Variants in DYSF observed in about 807,000 individuals in gnomAD.
DYSF encodes dysferlin.
In DYSF, 212 loss-of-function variants were observed where a neutral mutation model predicts 274.9. The observed-to-expected ratio is 0.77, with a 90% CI of 0.69 to 0.86. The LOEUF (loss-of-function observed/expected upper bound fraction) is 0.86. DYSF is among the 40% of genes least tolerant of loss of function. The pLI is 0.00. For synonymous variants in DYSF, 1,091 were observed against 1,078.7 expected, an observed-to-expected ratio of 1.01 and a Z score of -0.22; for missense variants, 2,666 against 2,783.2, an observed-to-expected ratio of 0.96 and a Z score of 0.95.
intron 47 of DYSF, among the ~76,000 whole-genome samples, chr2:71,667,115 A>G (rs2095027874): frequency 6.6e-6 from 1 of 152,186 alleles, no homozygotes; most frequent in South Asian, 2.1e-4. Flanking sequence ...AAATAGGAAT[A>G]AAAACTATAG....
At chr2:71,520,690 C>T in intron 11 of DYSF, 99 bp from the exon 12 acceptor site, 1 of 1,005,234 alleles carries the variant, frequency 9.9e-7, no homozygotes, top group Non-Finnish European at 1.6e-6. Context: ...GCGGATGAGT[C>T]CTTTACCTCC....
At position 71,582,106 on chromosome 2, in the gene DYSF, C is replaced by CAAAAAAAA. The variant is rs1159294834; in HGVS notation, c.3403-7467_3403-7460dup. Among the ~76,000 whole-genome samples the CAAAAAAAA allele has an allele frequency of 2.3e-3, 79 of 35,108 alleles. 7 individuals carry two copies. The highest frequency in any genetic ancestry group is 4.0e-3 in the African/African-American group (42 of 10,524). 23.0% of individuals were successfully genotyped at this position (35,108 alleles called of 152,430 possible). ...TGGGAGACAGAAGGAGACTCCGTCT[C>CAAAAAAAA]AAAAAAAAAAAAAAAAAAAAAAAAA... On this transcript the variant is annotated intron_variant, in intron 30 of 55. Coordinates refer to ENST00000410020, the MANE Select transcript of DYSF (RefSeq NM_001130987.2).
chr2:71,509,321 C>A lies in DYSF; in HGVS notation c.346-2486C>A, dbSNP rs2085836595. 2.0e-5 allele frequency among the ~76,000 whole-genome samples: 3 copies of A among 152,144 alleles called. No homozygotes were observed. In the South Asian group the frequency reaches 6.2e-4, roughly 32 times the overall value. On this transcript the variant is annotated intron_variant, in intron 4 of 55. Coordinates refer to ENST00000410020, the MANE Select transcript of DYSF (RefSeq NM_001130987.2). Reference sequence around the variant, plus strand: ...GGAACTATAAGCGTGGGCCACCATGCCTGGCTAATTTTTTGTTTTTTGTAA... The same window carrying A: ...GGAACTATAAGCGTGGGCCACCATGACTGGCTAATTTTTTGTTTTTTGTAA...
intron 31 of DYSF, 123 bp downstream of exon 31, chr2:71,589,809 T>C: frequency 3.0e-6 from 3 of 988,900 alleles, no homozygotes; most frequent in Admixed American, 3.5e-5. Context: ...TCTGTGCTTT[T>C]TGGTGGGTCA....
intron 42 of DYSF, among the ~76,000 whole-genome samples, chr2:71,653,360 C>G (rs1310092690): frequency 6.6e-6 from 1 of 152,012 alleles, no homozygotes; most frequent in Non-Finnish European, 1.5e-5. Context: ...CACATGCACA[C>G]GTATGTTTAT....
intron 41 of DYSF, among the ~76,000 whole-genome samples, chr2:71,633,123 A>G (rs2094342556): frequency 6.6e-6 from 1 of 152,166 alleles, no homozygotes; most frequent in Non-Finnish European, 1.5e-5. Context: ...TTGTAGAAAT[A>G]ATTAAGTGAC....
chr2:71,516,183 C>G lies in DYSF; in HGVS notation c.892C>G (p.Leu298Val), dbSNP rs988491095. ...TCTCTTTGCTCTGAACCAACAGACT[C>G]TTTTCTTCAACTTGTTTGACTCTCC... ...KGNSPLFNETLFFNLFDSPGE... is the reference protein window; with the variant it reads ...KGNSPLFNETVFFNLFDSPGE... Residue 298 changes from leucine (L) to valine (V), a missense_variant, in exon 9 of 56, where the codon CTT (leucine) becomes GTT (valine). Leu to Val is a conservative substitution (Grantham distance 32, BLOSUM62 1). Transcript: ENST00000410020. 6.2e-7 allele frequency: 1 copy of G among 1,614,218 alleles called. No homozygotes were observed. Among genetic ancestry groups the G allele is most frequent in the Non-Finnish European group, 8.5e-7 (1 of 1,180,042 alleles).
intron 14 of DYSF, 152 bp from the exon 15 acceptor site, chr2:71,534,869 C>A (rs1211821260): frequency 4.1e-6 from 3 of 738,676 alleles, no homozygotes; most frequent in East Asian, 5.3e-5. Flanking sequence ...TGTGTATGAA[C>A]CCCCTGCACT....
chr2:71,587,534 C>T (rs1474440222), intron 30 of DYSF, among the ~76,000 whole-genome samples: 4 of 152,190 alleles, frequency 2.6e-5, no homozygotes, highest in Admixed American at 2.6e-4. Context: ...CTCGTAAGGT[C>T]ATTGATAGCT....
chr2:71,538,460 C>T (rs1559107751), intron 16 of DYSF, among the ~76,000 whole-genome samples: 1 of 152,180 alleles, frequency 6.6e-6, no homozygotes, highest in African/African-American at 2.4e-5. Flanking sequence ...TTCCAGGAGT[C>T]AGGACGCCAG....
intron 40 of DYSF, among the ~76,000 whole-genome samples, chr2:71,618,266 GGT>G (rs567562489): frequency 0.031 from 1,436 of 45,920 alleles, 43 homozygotes; most frequent in African/African-American, 0.047. Flanking sequence ...GTGTGGTAGA[GGT>G]GTGTGTGTGT....
At chr2:71,659,452 A>G (rs2094836665) in intron 44 of DYSF, among the ~76,000 whole-genome samples, 2 of 152,168 alleles carry the variant, frequency 1.3e-5, no homozygotes, top group Non-Finnish European at 2.9e-5. Context: ...TCAATGGTTA[A>G]TGGGGAGGAG....
At chr2:71,602,092 C>T (rs984901795) in intron 35 of DYSF, among the ~76,000 whole-genome samples, 1 of 152,214 alleles carries the variant, frequency 6.6e-6, no homozygotes, top group Non-Finnish European at 1.5e-5. Flanking sequence ...ACGGGGGCTT[C>T]ATTCCCTTAC....
In DYSF at chr2:71,596,623, A is replaced by G. The variant is rs540852136; in HGVS notation, c.3575-1941A>G. ...GGGCCGGCCCTGCCAGGTCCAGTGC[A>G]TGGAAAGGAGAGCCCCATGCCAGAG... is the stretch of plus-strand genomic sequence containing the variant. On this transcript the variant is annotated intron_variant, in intron 32 of 55. Coordinates refer to ENST00000410020, the MANE Select transcript of DYSF (RefSeq NM_001130987.2). Among the ~76,000 whole-genome samples, 18 of 152,264 alleles carry G rather than the reference A, an allele frequency of 1.2e-4. No homozygotes were observed. The South Asian group carries it at 3.3e-3, about 28-fold the overall frequency.
At position 71,551,628 on chromosome 2, in the gene DYSF, G is replaced by A; in HGVS notation, c.1714G>A (p.Gly572Ser). The A allele has an allele frequency of 6.2e-7, 1 of 1,608,058 alleles. No individual in the cohort carries two copies. The highest frequency in any genetic ancestry group is 8.5e-7 in the Non-Finnish European group (1 of 1,178,470). ...GCAGGGGGAAGGTGTGGCTTATCGT[G>A]GCCGGCTTCTGCTCTCCCTGGAGAC... ...TGKGEGVAYR[G>S]RLLLSLETKL... is the part of the protein sequence containing the mutation. Residue 572 changes from glycine to serine, a missense_variant, in exon 19 of 56, where the codon GGC becomes AGC. By Grantham distance (56) the Gly-to-Ser change is moderately conservative (BLOSUM62 0). Around this residue, in one of 3 missense-constraint regions of DYSF, gnomAD observed 794 missense variants for 777.1 expected, o/e 1.02. Coordinates refer to ENST00000410020, the MANE Select transcript of DYSF (RefSeq NM_001130987.2).
chr2:71,603,377 T>C (rs911111738), intron 36 of DYSF, among the ~76,000 whole-genome samples: 3 of 152,136 alleles, frequency 2.0e-5, no homozygotes, highest in Non-Finnish European at 2.9e-5. Flanking sequence ...ACGTTCCCTA[T>C]GGCCTCCTGT....
chr2:71,576,772 G>C (rs1018769131), intron 30 of DYSF: 4 of 152,460 alleles, frequency 2.6e-5, no homozygotes, highest in African/African-American at 9.6e-5. Flanking sequence ...GCTGGCTAGG[G>C]CCTGGAGGAA....
At position 71,656,265 on chromosome 2, in the gene DYSF, A is replaced by C; in HGVS notation, c.4730A>C (p.Asp1577Ala). The C allele has an allele frequency of 6.2e-7, 1 of 1,614,188 alleles. No individual in the cohort carries two copies. Among genetic ancestry groups the C allele is most frequent in the Non-Finnish European group, 8.5e-7 (1 of 1,180,034 alleles). ...YRGKTQEETEDPSVIGEFKGL... is the reference protein window; with the variant it reads ...YRGKTQEETEAPSVIGEFKGL... ...GGCAAGACGCAGGAGGAGACAGAAG[A>C]TCCATCTGTGATTGGTGAATTTAAG... The change falls in exon 43 of 56, where the codon GAT becomes GCT. Residue 1577 changes from aspartate (D) to alanine (A), a missense_variant. Around this residue, in one of 3 missense-constraint regions of DYSF, gnomAD observed 1,460 missense variants for 1,502.1 expected, o/e 0.97. Transcript: ENST00000410020.
chr2:71,517,889 C>A (rs2086823962), intron 10 of DYSF, among the ~76,000 whole-genome samples: 1 of 152,114 alleles, frequency 6.6e-6, no homozygotes, highest in Admixed American at 6.6e-5. Context: ...TACTTCTTCC[C>A]TTATTTCCAA....
Sources: gnomAD v4.1 joint callset for allele counts (sites outside exome capture counted in the v4.1 genomes callset) on GRCh38, gnomAD v4.1.1 for gene constraint, gnomAD v4.1.1 regional missense constraint, MANE v1.5 for transcripts, NCBI Gene and HGNC (gene_info 2026-07-23, HGNC 2026-07-21) for gene names.